The following TNFAIP2 variants were observed in gnomAD, a reference collection of about 807,000 sequenced individuals.
TNFAIP2 encodes the protein tumor necrosis factor alpha-induced protein 2.
Under a neutral mutation model 63.5 loss-of-function variants are expected in TNFAIP2, and 47 were observed. The observed-to-expected ratio is 0.74, with a 90% CI of 0.59 to 0.94. The LOEUF is 0.94. Among genes scored for constraint, TNFAIP2 ranks in the 40% least tolerant of loss-of-function variants. The pLI is 0.00. For synonymous variants in TNFAIP2, 405 were observed against 390.2 expected (o/e 1.04, Z -0.45); for missense variants, 787 against 850.2 (o/e 0.93, Z 0.92).
At chr14:103,132,924 G>T in intron 9 of TNFAIP2, 52 bp downstream of exon 9, 1 of 1,606,574 alleles carries the variant, frequency 6.2e-7, no homozygotes, top group South Asian at 1.1e-5. Context: ...GGGGCAGCCC[G>T]GACACGCACA....
At position 103,127,690 on chromosome 14, in the gene TNFAIP2, T is replaced by G; in HGVS notation, c.860+61T>G. 1 of 1,398,142 alleles carries G rather than the reference T, an allele frequency of 7.2e-7. No homozygotes were observed. The allele number at this position is 1,398,142 out of a possible 1,614,324, so 86.6% of individuals were successfully genotyped here. ...GAGGGTGTCCTCTGTAGGAGGGGTGTCGAGGGGTGTCGAGGTGTGCCGCCG... is the reference window on the plus strand; with the variant it reads ...GAGGGTGTCCTCTGTAGGAGGGGTGGCGAGGGGTGTCGAGGTGTGCCGCCG... On this transcript the variant is annotated intron_variant, in intron 3 of 11. Transcript: ENST00000560869. This position sits in a 1 kb window ranked among gnomAD's most constrained non-coding sequence, Gnocchi z 5.1.
chr14:103,136,508 C>T lies in TNFAIP2; in HGVS notation c.*1148C>T, dbSNP rs1245890102. ...CTCATTGAGGCCTCCCCTCTCCTGCCTCCCTCCACCACTTTTTTTTTTTTT... is the reference window on the plus strand; with the variant it reads ...CTCATTGAGGCCTCCCCTCTCCTGCTTCCCTCCACCACTTTTTTTTTTTTT... On this transcript the variant is annotated 3_prime_UTR_variant, in exon 12 of 12. Coordinates refer to ENST00000560869, the MANE Select transcript of TNFAIP2 (RefSeq NM_006291.4). 1.4e-5 allele frequency: 2 copies of T among 145,496 alleles called. No homozygotes were observed. The highest frequency in any genetic ancestry group is 1.5e-5 in the Non-Finnish European group (1 of 67,394). 9.0% of individuals were successfully genotyped at this position (145,496 alleles called of 1,614,324 possible). A position where few individuals can be genotyped will look rare whatever the true frequency, so the allele number is the denominator to read the frequency against.
At chr14:103,124,305 G>C (rs1318158349) in intron 1 of TNFAIP2, 3 of 152,434 alleles carry the variant, frequency 2.0e-5, no homozygotes, top group Admixed American at 2.0e-4. Flanking sequence ...GGAAGGAGGT[G>C]TGCAGTCCAC....
chr14:103,133,798 C>T lies in TNFAIP2; in HGVS notation c.1818C>T (p.Asp606=). Residue 606 remains aspartate (D), a synonymous_variant, in exon 11 of 12, where the codon GAC becomes GAT. Coordinates refer to ENST00000560869, the MANE Select transcript of TNFAIP2 (RefSeq NM_006291.4). The part of the protein sequence containing the change: ...EVATYATCYP[D]FSKGHLSAIL... ...CCACTTATGCCACCTGCTACCCTGA[C>T]TTCAGGTGAGAACCTGGGGCACCTC... The T allele has an allele frequency of 6.3e-7, 1 of 1,584,520 alleles. No individual in the cohort carries two copies. The highest frequency in any genetic ancestry group is 8.5e-7 in the Non-Finnish European group (1 of 1,174,500).
rs530325203 is a variant in TNFAIP2 at position 103,133,954 on chromosome 14, A to G, written c.1823+151A>G. On this transcript the variant is annotated intron_variant, in intron 11 of 11. Transcript: ENST00000560869. ...GGCTCATTCTTGTGGCCTTCACCAC[A>G]GCACTACGAGGACAATACTTCCCAT... 18 of 1,017,854 alleles carry G rather than the reference A, an allele frequency of 1.8e-5. No homozygotes were observed. In the African/African-American group the frequency reaches 2.3e-4, roughly 13 times the overall value. 63.1% of individuals were successfully genotyped at this position (1,017,854 alleles called of 1,614,324 possible).
In TNFAIP2 at chr14:103,133,709, G is replaced by A; in HGVS notation, c.1729G>A (p.Ala577Thr). The change falls in exon 11 of 12, where the codon GCT becomes ACT. Residue 577 changes from alanine (A) to threonine (T), a missense_variant. Physicochemically the swap from Ala to Thr is moderately conservative, Grantham distance 58. Around this residue, in one of 3 missense-constraint regions of TNFAIP2, gnomAD observed 523 missense variants for 604.1 expected, o/e 0.87. Coordinates refer to ENST00000560869, the MANE Select transcript of TNFAIP2 (RefSeq NM_006291.4). ...CTCCCCGGCGACCTGGCTGCAGCCT[G>A]CTCTCCCTACGCTGGCCGAGATCAT... ...HGSPATWLQP[A>T]LPTLAEIIRL... 6.3e-7 allele frequency: 1 copy of A among 1,584,480 alleles called. No homozygotes were observed.
In TNFAIP2 at chr14:103,127,742, CAG is replaced by C. The variant is rs1231002306; in HGVS notation, c.860+116_860+117del. The C allele has an allele frequency of 3.3e-5, 42 of 1,277,532 alleles. No homozygotes were observed. The highest frequency in any genetic ancestry group is 4.0e-5 in the Non-Finnish European group (39 of 973,894). The allele number at this position is 1,277,532 out of a possible 1,614,324, so 79.1% of individuals were successfully genotyped here. On this transcript the variant is annotated intron_variant, in intron 3 of 11. Transcript: ENST00000560869. The surrounding 1 kb of genome is among the most constrained non-coding windows in gnomAD (Gnocchi z 5.1). ...CAGCTTTTAGTGAGGTCGGTGTTTG[CAG>C]AGTTTTGGGTCCGAGAATGCAGGGG... is the stretch of plus-strand genomic sequence containing the variant.
Position 103,127,225 on chromosome 14 carries a change from C to G in TNFAIP2, c.456C>G (p.Arg152=). 1 of 1,091,580 alleles carries G rather than the reference C, an allele frequency of 9.2e-7. No individual in the cohort carries two copies. Among genetic ancestry groups the G allele is most frequent in the Non-Finnish European group, 1.1e-6 (1 of 895,764 alleles). The allele number at this position is 1,091,580 out of a possible 1,614,324, so 67.6% of individuals were successfully genotyped here. The change falls in exon 3 of 12, where the codon CGC becomes CGG. Residue 152 remains arginine, a synonymous_variant. Transcript: ENST00000560869. This position sits in a 1 kb window ranked among gnomAD's most constrained non-coding sequence, Gnocchi z 5.1. ...RPLEAPPERL[R]QALAVVAEQE... Reference sequence around the variant, plus strand: ...TGGAGGCGCCGCCCGAGCGGCTGCGCCAGGCGCTGGCCGTGGTGGCGGAGC... The same window carrying G: ...TGGAGGCGCCGCCCGAGCGGCTGCGGCAGGCGCTGGCCGTGGTGGCGGAGC...
rs755068971 is a variant in TNFAIP2 at position 103,126,463 on chromosome 14, G to A, written c.6G>A (p.Ser2=). 1 of 1,587,308 alleles carries A rather than the reference G, an allele frequency of 6.3e-7. No individual in the cohort carries two copies. The highest frequency in any genetic ancestry group is 1.8e-5 in the Admixed American group (1 of 54,742). M[S]EASSEDLVPP... ...AGGCAGAGTCAGAGGCCTCCATGTC[G>A]GAGGCCTCCTCTGAGGACCTGGTGC... Residue 2 remains serine, a synonymous_variant, in exon 2 of 12, where the codon TCG becomes TCA. Coordinates refer to ENST00000560869, the MANE Select transcript of TNFAIP2 (RefSeq NM_006291.4).
intron 1 of TNFAIP2, among the ~76,000 whole-genome samples, 160 bp downstream of exon 1, chr14:103,124,111 T>A (rs905087392): frequency 2.0e-5 from 3 of 152,206 alleles, no homozygotes; most frequent in Non-Finnish European, 4.4e-5. Context: ...CCCTTCTTCC[T>A]TTCTGGCTGC....
In TNFAIP2 at chr14:103,127,303, G is replaced by A; in HGVS notation, c.534G>A (p.Leu178=). The change falls in exon 3 of 12, where the codon CTG becomes CTA. Residue 178 remains leucine, a synonymous_variant. Transcript: ENST00000560869. The surrounding 1 kb of genome is among the most constrained non-coding windows in gnomAD (Gnocchi z 5.1). ...AAAAGPGTSG[L]AATRPRRWLQ... is the part of the protein sequence containing the mutation. Reference sequence around the variant, plus strand: ...CGGCGGGGCCGGGGACCTCGGGGCTGGCGGCCACGCGCCCGCGGCGCTGGC... The same window carrying A: ...CGGCGGGGCCGGGGACCTCGGGGCTAGCGGCCACGCGCCCGCGGCGCTGGC... The A allele has an allele frequency of 1.0e-6, 1 of 988,484 alleles. No homozygotes were observed. The highest frequency in any genetic ancestry group is 1.2e-6 in the Non-Finnish European group (1 of 833,522). 61.2% of individuals were successfully genotyped at this position (988,484 alleles called of 1,614,324 possible).
chr14:103,124,034 C>T (rs987632533), intron 1 of TNFAIP2, 83 bp downstream of exon 1: 1 of 152,292 alleles, frequency 6.6e-6, no homozygotes, highest in Non-Finnish European at 1.5e-5. Context: ...CTACGAGCCT[C>T]CCAGCAGGCC....
rs2234129 is a variant in TNFAIP2, at chr14:103,129,598, A to C, written c.861-142A>C. On this transcript the variant is annotated intron_variant, in intron 3 of 11. Transcript: ENST00000560869. ...AGTAGATGGAGGACCCATCATCTGA[A>C]ATGGGGACCGGGTGGGGGTGCGGGA... 2,917 of 667,818 alleles carry C rather than the reference A, an allele frequency of 4.4e-3. 48 individuals carry two copies. In the African/African-American group the frequency reaches 0.047, roughly 11 times the overall value. 41.4% of individuals were successfully genotyped at this position (667,818 alleles called of 1,614,324 possible). A position where few individuals can be genotyped will look rare whatever the true frequency, so the allele number is the denominator to read the frequency against.
Position 103,131,844 on chromosome 14 carries a change from G to T in TNFAIP2, c.1422+82G>T. 1 of 1,526,728 alleles carries T rather than the reference G, an allele frequency of 6.5e-7. No individual in the cohort carries two copies. Among genetic ancestry groups the T allele is most frequent in the Non-Finnish European group, 8.8e-7 (1 of 1,135,552 alleles). 94.6% of individuals were successfully genotyped at this position (1,526,728 alleles called of 1,614,324 possible). On this transcript the variant is annotated intron_variant, in intron 8 of 11. Coordinates refer to ENST00000560869, the MANE Select transcript of TNFAIP2 (RefSeq NM_006291.4). This position sits in a 1 kb window ranked among gnomAD's most constrained non-coding sequence, Gnocchi z 4.0. ...CTGGGAGGTGCCCCCAGGGAGGAGTGGCAGAAGCAAAGATGTGGGGAAGAC... is the reference window on the plus strand; with the variant it reads ...CTGGGAGGTGCCCCCAGGGAGGAGTTGCAGAAGCAAAGATGTGGGGAAGAC...
At position 103,129,840 on chromosome 14, in the gene TNFAIP2, C is replaced by T. The variant is rs770972938; in HGVS notation, c.961C>T (p.Leu321=). 1.2e-6 allele frequency: 2 copies of T among 1,613,954 alleles called. No individual in the cohort carries two copies. The highest frequency in any genetic ancestry group is 1.1e-5 in the South Asian group (1 of 91,078). ...GATCCGACTGCTGGAGGCCACATTC[C>T]TGTCCAGTGAGGCGGTGAGTCTCCA... The part of the protein sequence containing the change: ...RQIRLLEATF[L]SSEAANVREL... The change falls in exon 4 of 12, where the codon CTG becomes TTG. Residue 321 remains leucine, a synonymous_variant. Coordinates refer to ENST00000560869, the MANE Select transcript of TNFAIP2 (RefSeq NM_006291.4).
rs999154902 is a variant in TNFAIP2, at chr14:103,129,751, A to G, written c.872A>G (p.Asn291Ser). The G allele has an allele frequency of 1.2e-6, 2 of 1,613,884 alleles. No individual in the cohort carries two copies. Among genetic ancestry groups the G allele is most frequent in the Non-Finnish European group, 1.7e-6 (2 of 1,179,852 alleles). Residue 291 changes from asparagine to serine, a missense_variant, in exon 4 of 12, where the codon AAC (asparagine) becomes AGC (serine). This residue lies in a region of TNFAIP2 where 523 missense variants were observed against 604.1 expected (regional missense o/e 0.87). Transcript: ENST00000560869. Reference sequence around the variant, plus strand: ...TCCCCTGCCTGCAGTGACATCATCAACAGCCCCAAGCTGGTGGGTGAGCTG... The same window carrying G: ...TCCCCTGCCTGCAGTGACATCATCAGCAGCCCCAAGCTGGTGGGTGAGCTG... ...VQNLYPNDII[N>S]SPKLVGELQG...
intron 4 of TNFAIP2, 27 bp from the exon 5 acceptor site, chr14:103,129,975 C>T: frequency 6.2e-7 from 1 of 1,610,086 alleles, no homozygotes; most frequent in Non-Finnish European, 8.5e-7. Flanking sequence ...GGGATAGTGC[C>T]CCAGTGACCT....
upstream of TNFAIP2, among the ~76,000 whole-genome samples, chr14:103,123,249 G>A (rs898876769): frequency 1.7e-4 from 26 of 151,796 alleles, no homozygotes; most frequent in African/African-American, 6.3e-4. Context: ...GCCCCTGCCC[G>A]GCTGCTGGGA....
chr14:103,133,239 C>T lies in TNFAIP2; in HGVS notation c.1546-123C>T, dbSNP rs942054826. 6.4e-6 allele frequency: 8 copies of T among 1,244,568 alleles called. No homozygotes were observed. The African/African-American group carries it at 7.5e-5, about 12-fold the overall frequency. 77.1% of individuals were successfully genotyped at this position (1,244,568 alleles called of 1,614,324 possible). A position where few individuals can be genotyped will look rare whatever the true frequency, so the allele number is the denominator to read the frequency against. ...ACGCACACATGTGGACGCACGAGCA[C>T]GTGTGCAGTCTTTTGCTCTGGCATC... On this transcript the variant is annotated intron_variant, in intron 9 of 11. Coordinates refer to ENST00000560869, the MANE Select transcript of TNFAIP2 (RefSeq NM_006291.4).
Sources: gnomAD v4.1 joint callset for allele counts (sites outside exome capture counted in the v4.1 genomes callset) on GRCh38, gnomAD v4.1.1 for gene constraint, gnomAD v4.1.1 regional missense constraint, Gnocchi (gnomAD v3.1) non-coding constraint, MANE v1.5 for transcripts, NCBI Gene and HGNC (gene_info 2026-07-23, HGNC 2026-07-21) for gene names.